The following CENPP variants were observed in gnomAD, a reference collection of about 807,000 sequenced individuals.
CENPP encodes centromere protein P.
Under a neutral mutation model 35.6 loss-of-function variants are expected in CENPP, and 24 were observed. That is an observed-to-expected ratio of 0.67 (90% CI 0.49 to 0.95). The LOEUF (loss-of-function observed/expected upper bound fraction) is 0.95. CENPP is among the 40% of genes least tolerant of loss of function. CENPP has a pLI of 0.00. For missense variants in CENPP, 332 were observed against 345.3 expected, an observed-to-expected ratio of 0.96 and a Z score of 0.31; for synonymous variants, 120 against 125.5, an observed-to-expected ratio of 0.96 and a Z score of 0.29.
At chr9:92,551,925 G>GTA (rs143120429) in intron 5 of CENPP, among the ~76,000 whole-genome samples, 9,686 of 84,332 alleles carry the variant, frequency 0.11, 723 homozygotes, top group East Asian at 0.21. Flanking sequence ...TGGTGTGTGT[G>GTA]TATATATATA....
chr9:92,515,198 A>G (rs779776313), intron 5 of CENPP: 1 of 1,565,830 alleles, frequency 6.4e-7, no homozygotes, highest in Non-Finnish European at 8.6e-7. Context: ...AGTAGAGAAT[A>G]GGAGACTAAT....
intron 5 of CENPP, among the ~76,000 whole-genome samples, chr9:92,419,921 A>T (rs1198023488): frequency 1.3e-5 from 2 of 152,140 alleles, no homozygotes; most frequent in Non-Finnish European, 2.9e-5. Flanking sequence ...ATTTTCTTTG[A>T]CAGAACCCCA....
intron 5 of CENPP, among the ~76,000 whole-genome samples, chr9:92,592,350 C>T (rs548017945): frequency 1.3e-5 from 2 of 152,296 alleles, no homozygotes; most frequent in African/African-American, 4.8e-5. Flanking sequence ...CAGGGATCCA[C>T]TAGCCTGCTC....
intron 5 of CENPP, among the ~76,000 whole-genome samples, chr9:92,445,201 A>T (rs2131010366): frequency 6.6e-6 from 1 of 152,270 alleles, no homozygotes; most frequent in East Asian, 1.9e-4. Context: ...CTGGGCTTCC[A>T]GAGGCCTCTG....
chr9:92,573,516 A>T (rs972256528), intron 5 of CENPP, among the ~76,000 whole-genome samples: 1 of 152,110 alleles, frequency 6.6e-6, no homozygotes, highest in Non-Finnish European at 1.5e-5. Flanking sequence ...CCCTACTTGG[A>T]GGTGTCTCCC....
chr9:92,387,307 T>G (rs1236078333), intron 5 of CENPP, among the ~76,000 whole-genome samples: 1 of 148,592 alleles, frequency 6.7e-6, no homozygotes, highest in Non-Finnish European at 1.5e-5. Flanking sequence ...ACCCAGGGGG[T>G]GGAGGTTGCA....
intron 5 of CENPP, chr9:92,403,444 T>C: frequency 6.3e-7 from 1 of 1,579,026 alleles, no homozygotes; most frequent in East Asian, 2.2e-5. Context: ...GTTAATAAAC[T>C]AGTGGCCTGC....
chr9:92,599,052 A>C (rs1850846336), intron 5 of CENPP, among the ~76,000 whole-genome samples: 1 of 151,884 alleles, frequency 6.6e-6, no homozygotes, highest in African/African-American at 2.4e-5. Flanking sequence ...GTGAACTGAG[A>C]TCGCACCACT....
rs35803886 is a variant in CENPP, at chr9:92,374,119, CA to C, written c.468-5623del. Among the ~76,000 whole-genome samples the C allele has an allele frequency of 7.9e-3, 769 of 97,868 alleles. 10 individuals are homozygous for C. The highest frequency in any genetic ancestry group is 0.039 in the East Asian group (133 of 3,444). The allele number at this position is 97,868 out of a possible 152,430, so 64.2% of individuals were successfully genotyped here. On this transcript the variant is annotated intron_variant, in intron 4 of 7. Transcript: ENST00000375587. ...CTTGCTTTCCTGTTCCAGCAGTGAC[CA>C]AAAAAAAAAAAAAAAAAAAATTATT... is the stretch of plus-strand genomic sequence containing the variant.
rs191315890 is a variant in CENPP at position 92,405,785 on chromosome 9, A to G, written c.564+25926A>G. 2.0e-3 allele frequency among the ~76,000 whole-genome samples: 310 copies of G among 152,308 alleles called. 2 individuals are homozygous for G. Among genetic ancestry groups the G allele is most frequent in the African/African-American group, 7.0e-3 (293 of 41,574 alleles). ...TTGATGCTTTGTACTACAGAAAATT[A>G]TTTTGTGAAGAACAACTTTCCTTGA... On this transcript the variant is annotated intron_variant, in intron 5 of 7. Transcript: ENST00000375587.
chr9:92,501,665 C>T (rs568426177), intron 5 of CENPP, among the ~76,000 whole-genome samples: 2 of 152,308 alleles, frequency 1.3e-5, no homozygotes, highest in South Asian at 2.1e-4. Flanking sequence ...TGCCCCACGC[C>T]CTCTTTTCAC....
intron 5 of CENPP, among the ~76,000 whole-genome samples, chr9:92,569,373 C>T (rs1361378374): frequency 6.6e-6 from 1 of 152,106 alleles, no homozygotes; most frequent in Non-Finnish European, 1.5e-5. Context: ...TCAGGTTTGT[C>T]AAAGATCAGA....
intron 5 of CENPP, among the ~76,000 whole-genome samples, chr9:92,576,941 A>T (rs1850297242): frequency 6.6e-6 from 1 of 152,240 alleles, no homozygotes; most frequent in South Asian, 2.1e-4. Context: ...GAGTAAACAA[A>T]TGTAAGTGTT....
At chr9:92,568,119 G>GTACATGTGCACTAGGA in intron 5 of CENPP, among the ~76,000 whole-genome samples, 1 of 151,796 alleles carries the variant, frequency 6.6e-6, no homozygotes, top group African/African-American at 2.4e-5. Flanking sequence ...GTGCACTAGG[G>GTACATGTGCACTAGGA]TACATGTGCA....
intron 5 of CENPP, among the ~76,000 whole-genome samples, chr9:92,477,035 T>G (rs569247498): frequency 6.6e-6 from 1 of 152,322 alleles, no homozygotes; most frequent in South Asian, 2.1e-4. Context: ...AATGATTGTG[T>G]GATCAGATTT....
At chr9:92,479,733 T>C (rs1031426481) in intron 5 of CENPP, among the ~76,000 whole-genome samples, 1 of 152,220 alleles carries the variant, frequency 6.6e-6, no homozygotes, top group Non-Finnish European at 1.5e-5. Context: ...ATCTTTTGCA[T>C]TTGTGTATCC....
At chr9:92,444,253 A>C (rs1347291417) in intron 5 of CENPP, among the ~76,000 whole-genome samples, 2 of 152,024 alleles carry the variant, frequency 1.3e-5, no homozygotes, top group African/African-American at 4.8e-5. Context: ...GTGATTTTCC[A>C]TTTCCCTGAT....
At chr9:92,540,294 C>T (rs1849286382) in intron 5 of CENPP, among the ~76,000 whole-genome samples, 1 of 152,002 alleles carries the variant, frequency 6.6e-6, no homozygotes, top group Non-Finnish European at 1.5e-5. Context: ...AAAACTTAGC[C>T]AGGCAAGGTG....
At chr9:92,393,370 A>T in intron 5 of CENPP, 1 of 691,440 alleles carries the variant, frequency 1.4e-6, no homozygotes, top group Non-Finnish European at 2.3e-6. Context: ...GAATCATAAG[A>T]AAGATAGTCA....
Sources: gnomAD v4.1 joint callset for allele counts (sites outside exome capture counted in the v4.1 genomes callset) on GRCh38, gnomAD v4.1.1 for gene constraint, MANE v1.5 for transcripts, NCBI Gene and HGNC (gene_info 2026-07-23, HGNC 2026-07-21) for gene names.